ZNF165: variants seen among roughly 807,000 people sequenced by gnomAD.
ZNF165 encodes the protein zinc finger protein 165, also known as cancer/testis antigen 53.
Under a neutral mutation model 19.6 loss-of-function variants are expected in ZNF165, and 14 were observed. That is an observed-to-expected ratio of 0.71 (90% CI 0.47 to 1.12). ZNF165 has a LOEUF of 1.12. Ranked by LOEUF, ZNF165 falls within the 50% of genes most tolerant of loss-of-function variation. The pLI is 0.00. For synonymous variants in ZNF165, 165 were observed against 195.0 expected (o/e 0.85, Z 1.28); for missense variants, 504 against 566.3 (o/e 0.89, Z 1.12).
chr6:28,086,640 C>T (rs1764283773), intron 3 of ZNF165, among the ~76,000 whole-genome samples: 1 of 151,908 alleles, frequency 6.6e-6, no homozygotes, highest in South Asian at 2.1e-4. Context: ...ACCTGGGAGG[C>T]GGAGCTTGCA....
chr6:28,086,475 C>CT (rs1280614293), intron 3 of ZNF165, among the ~76,000 whole-genome samples, 165 bp downstream of exon 3: 2 of 152,214 alleles, frequency 1.3e-5, no homozygotes, highest in African/African-American at 4.8e-5. Context: ...AATCCCAGCA[C>CT]TTTGGGAGGC....
intron 3 of ZNF165, among the ~76,000 whole-genome samples, chr6:28,087,294 G>T (rs1764297740): frequency 6.6e-6 from 1 of 152,262 alleles, no homozygotes; most frequent in South Asian, 2.1e-4. Flanking sequence ...CACCTAGGCT[G>T]GAGTGCAGTG....
chr6:28,088,402 GTTTC>G (rs1349234664), intron 3 of ZNF165, among the ~76,000 whole-genome samples, 157 bp from the exon 4 acceptor site: 4 of 152,092 alleles, frequency 2.6e-5, no homozygotes, highest in Admixed American at 2.6e-4. Context: ...TCTTACCAAT[GTTTC>G]TTTCATTCCT....
At chr6:28,087,634 C>T (rs1427656362) in intron 3 of ZNF165, among the ~76,000 whole-genome samples, 1 of 152,072 alleles carries the variant, frequency 6.6e-6, no homozygotes, top group Non-Finnish European at 1.5e-5. Context: ...TGTAAATTTC[C>T]CTCACCCCAT....
rs560163421 is a variant in ZNF165, at chr6:28,085,897, C to T, written c.411+6C>T. The T allele has an allele frequency of 3.7e-6, 6 of 1,606,964 alleles. No homozygotes were observed. Among genetic ancestry groups the T allele is most frequent in the Non-Finnish European group, 5.1e-6 (6 of 1,179,804 alleles). On this transcript the variant is annotated splice_donor_region_variant and intron_variant, in intron 2 of 3. Transcript: ENST00000683778. Reference sequence around the variant, plus strand: ...CTGATGAAGCAGTACTCCAGGTGCACAGGGGATGGGAGATCTAAGACCTCC... The same window carrying T: ...CTGATGAAGCAGTACTCCAGGTGCATAGGGGATGGGAGATCTAAGACCTCC...
At chr6:28,084,375 G>A (rs558877119) in intron 1 of ZNF165, among the ~76,000 whole-genome samples, 40 of 152,256 alleles carry the variant, frequency 2.6e-4, no homozygotes, top group Admixed American at 3.9e-4. Context: ...ACCTCAGGCC[G>A]GGCACGGTGG....
intron 2 of ZNF165, 85 bp from the exon 3 acceptor site, chr6:28,086,087 T>A: frequency 6.5e-7 from 1 of 1,545,364 alleles, no homozygotes; most frequent in Non-Finnish European, 8.7e-7. Context: ...CAGTTTTGCA[T>A]TTCTATGGGA....
chr6:28,085,426 T>G, intron 1 of ZNF165, 55 bp from the exon 2 acceptor site: 1 of 1,558,722 alleles, frequency 6.4e-7, no homozygotes, highest in Non-Finnish European at 8.7e-7. Context: ...GGAGGACTCT[T>G]GAAACTAAAG....
In ZNF165 at chr6:28,085,670, C is replaced by G. The variant is rs544657964; in HGVS notation, c.190C>G (p.Arg64Gly). Residue 64 changes from arginine to glycine, a missense_variant, in exon 2 of 4, where the codon CGC becomes GGC. Physicochemically the swap from Arg to Gly is moderately radical, Grantham distance 125 (BLOSUM62 -2). Coordinates refer to ENST00000683778, the MANE Select transcript of ZNF165 (RefSeq NM_001376491.1). ...QFCYQDSPGP[R>G]EALSRLRELC... ...CTGCTACCAGGATTCTCCTGGACCTCGCGAGGCACTGAGCCGCCTCCGGGA... is the reference window on the plus strand; with the variant it reads ...CTGCTACCAGGATTCTCCTGGACCTGGCGAGGCACTGAGCCGCCTCCGGGA... 6.9e-5 allele frequency: 111 copies of G among 1,614,060 alleles called. No individual in the cohort carries two copies. Among genetic ancestry groups the G allele is most frequent in the Admixed American group, 1.3e-4 (8 of 60,004 alleles).
At chr6:28,082,140 G>A (rs1346960991) in intron 1 of ZNF165, among the ~76,000 whole-genome samples, 1 of 152,102 alleles carries the variant, frequency 6.6e-6, no homozygotes, top group Non-Finnish European at 1.5e-5. Flanking sequence ...ATATACCATG[G>A]AACTAACCCC....
chr6:28,083,947 A>G (rs886558514), intron 1 of ZNF165, among the ~76,000 whole-genome samples: 3 of 152,154 alleles, frequency 2.0e-5, no homozygotes, highest in Non-Finnish European at 4.4e-5. Flanking sequence ...TCTCATTTAA[A>G]TCTTTTGTAT....
intron 1 of ZNF165, among the ~76,000 whole-genome samples, chr6:28,083,958 C>G (rs1472062006): frequency 6.6e-6 from 1 of 152,180 alleles, no homozygotes; most frequent in Non-Finnish European, 1.5e-5. Context: ...TCTTTTGTAT[C>G]CATGTTTTAT....
chr6:28,084,907 C>G (rs1447530635), intron 1 of ZNF165, among the ~76,000 whole-genome samples: 1 of 152,236 alleles, frequency 6.6e-6, no homozygotes, highest in Non-Finnish European at 1.5e-5. Flanking sequence ...TTTTCTTATA[C>G]AAACCTACTA....
intron 2 of ZNF165, 57 bp from the exon 3 acceptor site, chr6:28,086,115 G>C: frequency 6.4e-7 from 1 of 1,563,910 alleles, no homozygotes; most frequent in Non-Finnish European, 8.6e-7. Context: ...TTTGTTGTTA[G>C]AAGACGTTTA....
chr6:28,081,734 G>T (rs1764160111), intron 1 of ZNF165, among the ~76,000 whole-genome samples: 1 of 151,308 alleles, frequency 6.6e-6, no homozygotes, highest in African/African-American at 2.4e-5. Flanking sequence ...TTAATTACTC[G>T]TTCCTCTCTG....
At chr6:28,085,963 T>C in intron 2 of ZNF165, 72 bp downstream of exon 2, 1 of 1,568,590 alleles carries the variant, frequency 6.4e-7, no homozygotes, top group Non-Finnish European at 8.6e-7. Context: ...AGGCCCGAGA[T>C]TGCATATCTA....
chr6:28,089,265 A>G lies in ZNF165; in HGVS notation c.1253A>G (p.His418Arg), dbSNP rs547337001. Residue 418 changes from histidine (H) to arginine (R), a missense_variant, in exon 4 of 4, where the codon CAT becomes CGT. Physicochemically the swap from His to Arg is conservative, Grantham distance 29 (BLOSUM62 0). Coordinates refer to ENST00000683778, the MANE Select transcript of ZNF165 (RefSeq NM_001376491.1). ...AACCTGAACTCACATCTTATCAGGCATCAGAGAATTCACACCAGAGAGAAA... is the reference window on the plus strand; with the variant it reads ...AACCTGAACTCACATCTTATCAGGCGTCAGAGAATTCACACCAGAGAGAAA... ...AFNLNSHLIR[H>R]QRIHTREKPY... 1 of 1,614,210 alleles carries G rather than the reference A, an allele frequency of 6.2e-7. No homozygotes were observed. Among genetic ancestry groups the G allele is most frequent in the South Asian group, 1.1e-5 (1 of 91,078 alleles).
chr6:28,084,677 C>T (rs1476279511), intron 1 of ZNF165, among the ~76,000 whole-genome samples: 1 of 151,930 alleles, frequency 6.6e-6, no homozygotes, highest in Non-Finnish European at 1.5e-5. Flanking sequence ...AAAAAAAGAA[C>T]CTCATACTTG....
At chr6:28,086,401 T>G in intron 3 of ZNF165, 91 bp downstream of exon 3, 2 of 1,499,350 alleles carry the variant, frequency 1.3e-6, no homozygotes, top group Non-Finnish European at 1.8e-6. Context: ...CTGTAGATGG[T>G]CCTTTCCTTT....
Sources: gnomAD v4.1 joint callset for allele counts (sites outside exome capture counted in the v4.1 genomes callset) on GRCh38, gnomAD v4.1.1 for gene constraint, MANE v1.5 for transcripts, NCBI Gene and HGNC (gene_info 2026-07-23, HGNC 2026-07-21) for gene names.